The following DLG2 variants were observed in gnomAD, a reference collection of about 807,000 sequenced individuals.
DLG2 encodes the protein disks large homolog 2.
DLG2 carries 45 observed loss-of-function variants against 132.5 expected under a neutral mutation model. That is an observed-to-expected ratio of 0.34 (90% CI 0.27 to 0.44). The LOEUF (loss-of-function observed/expected upper bound fraction) is 0.44. Among genes scored for constraint, DLG2 ranks in the 20% least tolerant of loss-of-function variants. The pLI is 1.00. For missense variants in DLG2, 1,045 were observed against 1,196.9 expected, an observed-to-expected ratio of 0.87 and a Z score of 1.87; for synonymous variants, 424 against 419.6, an observed-to-expected ratio of 1.01 and a Z score of -0.13.
chr11:85,497,135 C>T lies in DLG2; in HGVS notation c.40+101522G>A, dbSNP rs566072202. Reference sequence around the variant, plus strand: ...GTCACTAATAACAAACTTCTCTGAGCTAAAGAAGCATGTTCTAACCCGTCG... The same window carrying T: ...GTCACTAATAACAAACTTCTCTGAGTTAAAGAAGCATGTTCTAACCCGTCG... On this transcript the variant is annotated intron_variant, in intron 3 of 27. Coordinates refer to ENST00000376104, the MANE Select transcript of DLG2 (RefSeq NM_001142699.3). Among the ~76,000 whole-genome samples the T allele has an allele frequency of 2.6e-5, 4 of 151,910 alleles. No individual in the cohort carries two copies. In the South Asian group the frequency reaches 8.3e-4, roughly 32 times the overall value.
At chr11:84,078,905 A>G (rs1306247940) in intron 10 of DLG2, among the ~76,000 whole-genome samples, 2 of 36,046 alleles carry the variant, frequency 5.5e-5, no homozygotes, top group Non-Finnish European at 2.0e-4. Flanking sequence ...TGTTGTAGGC[A>G]TCTTAAATTA....
intron 6 of DLG2, among the ~76,000 whole-genome samples, chr11:84,754,441 T>C (rs1402499992): frequency 6.6e-6 from 1 of 152,166 alleles, no homozygotes; most frequent in African/African-American, 2.4e-5. Flanking sequence ...GAGTAAATGA[T>C]CTTATTTAAT....
chr11:83,836,355 C>A (rs1216496903), intron 16 of DLG2, among the ~76,000 whole-genome samples: 1 of 152,150 alleles, frequency 6.6e-6, no homozygotes, highest in East Asian at 1.9e-4. Flanking sequence ...ATGAAATTAA[C>A]CATCATAAGG....
intron 6 of DLG2, among the ~76,000 whole-genome samples, chr11:84,938,682 C>A (rs1380172688): frequency 1.3e-5 from 2 of 152,108 alleles, no homozygotes; most frequent in East Asian, 1.9e-4. Context: ...GTATATGGAA[C>A]AATCCACAGC....
intron 7 of DLG2, among the ~76,000 whole-genome samples, chr11:84,257,200 C>T (rs1395191628): frequency 6.6e-6 from 1 of 152,108 alleles, no homozygotes; most frequent in Non-Finnish European, 1.5e-5. Flanking sequence ...GGAGTGACTT[C>T]CGCCTTCATT....
rs2099217796 is a variant in DLG2 at position 84,502,326 on chromosome 11, CTTTCTTTCTTTCTTTCTTTCTTTCTTTCT to C, written c.519+32215_519+32243del. Among the ~76,000 whole-genome samples, 3 of 16,194 alleles carry C rather than the reference CTTTCTTTCTTTCTTTCTTTCTTTCTTTCT, an allele frequency of 1.9e-4. No individual in the cohort carries two copies. In the South Asian group the frequency reaches 5.5e-3, roughly 30 times the overall value. The allele number at this position is 16,194 out of a possible 152,430, so 10.6% of individuals were successfully genotyped here. Reference sequence around the variant, plus strand: ...TCTTTCTTTCTTTCTTTCTTTCTTTCTTTCTTTCTTTCTTTCTTTCTTTCTTTCTTTCTTTCTTTCTTTCTTTCTTTCTT... The same window carrying C: ...TCTTTCTTTCTTTCTTTCTTTCTTTCTTCTTTCTTTCTTTCTTTCTTTCTT... On this transcript the variant is annotated intron_variant, in intron 7 of 27. Coordinates refer to ENST00000376104, the MANE Select transcript of DLG2 (RefSeq NM_001142699.3).
chr11:85,023,972 T>A (rs189815172), intron 6 of DLG2, among the ~76,000 whole-genome samples: 1 of 152,268 alleles, frequency 6.6e-6, no homozygotes, highest in East Asian at 1.9e-4. Context: ...CATACCCTTT[T>A]GGCCACCCCA....
chr11:85,354,764 T>C (rs554667333), intron 3 of DLG2, among the ~76,000 whole-genome samples: 25 of 150,866 alleles, frequency 1.7e-4, no homozygotes, highest in African/African-American at 5.8e-4. Flanking sequence ...CACACACACA[T>C]ACACGCATGT....
intron 15 of DLG2, among the ~76,000 whole-genome samples, chr11:83,902,537 T>A (rs952040094): frequency 6.6e-6 from 1 of 152,164 alleles, no homozygotes; most frequent in Non-Finnish European, 1.5e-5. Context: ...TTTTAAATCA[T>A]GCCAAATGAA....
At chr11:84,357,946 G>C (rs772104419) in intron 7 of DLG2, among the ~76,000 whole-genome samples, 4 of 150,924 alleles carry the variant, frequency 2.7e-5, no homozygotes, top group Non-Finnish European at 4.4e-5. Flanking sequence ...TTAAAACATT[G>C]GTATATATAC....
intron 6 of DLG2, among the ~76,000 whole-genome samples, chr11:84,904,133 C>T (rs1194257610): frequency 6.6e-6 from 1 of 152,070 alleles, no homozygotes; most frequent in Non-Finnish European, 1.5e-5. Flanking sequence ...GCATCATATA[C>T]CCTTGATAAG....
chr11:83,544,372 AG>A (rs1161857826), intron 19 of DLG2, among the ~76,000 whole-genome samples: 1 of 152,180 alleles, frequency 6.6e-6, no homozygotes, highest in Non-Finnish European at 1.5e-5. Context: ...TTTTCACAAA[AG>A]TTACCTTATT....
At chr11:83,631,237 G>A (rs1268215814) in intron 19 of DLG2, 1 of 134,552 alleles carries the variant, frequency 7.4e-6, no homozygotes, top group Non-Finnish European at 1.6e-5. Context: ...GCTCTTGTAA[G>A]TTCTTTCTTT....
rs1287301337 is a variant in DLG2, at chr11:83,586,330, T to C, written c.1941-44472A>G. ...TCTATTAAAAACACAACAGTAAATATACTTCAACATTTCTGTTATAGCACA... is the reference window on the plus strand; with the variant it reads ...TCTATTAAAAACACAACAGTAAATACACTTCAACATTTCTGTTATAGCACA... On this transcript the variant is annotated intron_variant, in intron 19 of 27. Transcript: ENST00000376104. Among the ~76,000 whole-genome samples the C allele has an allele frequency of 2.6e-5, 4 of 152,246 alleles. No individual in the cohort carries two copies. In the East Asian group the frequency reaches 7.7e-4, roughly 29 times the overall value.
At chr11:85,266,226 T>C (rs981323883) in intron 4 of DLG2, among the ~76,000 whole-genome samples, 4 of 152,222 alleles carry the variant, frequency 2.6e-5, no homozygotes, top group African/African-American at 7.2e-5. Context: ...GGCCAAAGTG[T>C]CTGGCAAGTT....
At chr11:83,481,249 G>T (rs1026746083) in intron 22 of DLG2, among the ~76,000 whole-genome samples, 3 of 151,928 alleles carry the variant, frequency 2.0e-5, no homozygotes, top group Non-Finnish European at 4.4e-5. Context: ...AACTTAACAG[G>T]GATGTGTTGG....
intron 6 of DLG2, among the ~76,000 whole-genome samples, chr11:84,678,355 C>A (rs1408598626): frequency 6.6e-6 from 1 of 151,994 alleles, no homozygotes; most frequent in Non-Finnish European, 1.5e-5. Context: ...TCTAATACAC[C>A]CTTGAGTTAA....
intron 18 of DLG2, among the ~76,000 whole-genome samples, chr11:83,711,043 A>C (rs948001892): frequency 6.6e-6 from 1 of 152,104 alleles, no homozygotes; most frequent in African/African-American, 2.4e-5. Flanking sequence ...TAGGTGACAC[A>C]CCTAAGGTTC....
chr11:83,938,335 A>G (rs933454215), intron 14 of DLG2, among the ~76,000 whole-genome samples: 1 of 151,922 alleles, frequency 6.6e-6, no homozygotes, highest in Non-Finnish European at 1.5e-5. Flanking sequence ...TAGCAATTCT[A>G]GTGCAGGTTT....
Sources: allele counts gnomAD v4.1 joint callset (sites outside exome capture counted in the v4.1 genomes callset), GRCh38; gene constraint gnomAD v4.1.1; transcripts MANE v1.5; gene names NCBI Gene and HGNC (gene_info 2026-07-23, HGNC 2026-07-21).